The following ANKIB1 variants were observed in gnomAD, a reference collection of about 807,000 sequenced individuals.
ANKIB1 encodes ankyrin repeat and IBR domain-containing protein 1.
In ANKIB1, 43 loss-of-function variants were observed where a neutral mutation model predicts 122.1. The observed-to-expected ratio is 0.35, with a 90% CI of 0.28 to 0.45. The LOEUF (loss-of-function observed/expected upper bound fraction) is 0.45. ANKIB1 is among the 20% of genes least tolerant of loss of function. The pLI, the probability that ANKIB1 is intolerant of heterozygous loss-of-function variation, is 1.00. For missense variants in ANKIB1, 992 were observed against 1,329.5 expected, an observed-to-expected ratio of 0.75 and a Z score of 3.95; for synonymous variants, 390 against 442.0, an observed-to-expected ratio of 0.88 and a Z score of 1.48.
intron 1 of ANKIB1, among the ~76,000 whole-genome samples, chr7:92,289,032 T>G (rs536166744): frequency 6.6e-6 from 1 of 152,302 alleles, no homozygotes; most frequent in East Asian, 1.9e-4. Flanking sequence ...CAAGAGAAAT[T>G]AAAACTTAAG....
At chr7:92,388,970 T>A (rs376570272) in intron 14 of ANKIB1, among the ~76,000 whole-genome samples, 1 of 152,214 alleles carries the variant, frequency 6.6e-6, no homozygotes, top group East Asian at 1.9e-4. Context: ...AGGAAAAAAG[T>A]CCTCACAAGT....
chr7:92,308,105 C>T (rs1802606365), intron 3 of ANKIB1, among the ~76,000 whole-genome samples: 3 of 151,916 alleles, frequency 2.0e-5, no homozygotes, highest in South Asian at 2.1e-4. Flanking sequence ...CTCTTGACCT[C>T]GTGATCCACC....
chr7:92,305,830 T>C (rs1032272345), intron 2 of ANKIB1, among the ~76,000 whole-genome samples: 5 of 152,302 alleles, frequency 3.3e-5, no homozygotes, highest in African/African-American at 1.2e-4. Context: ...AATTAAATTA[T>C]GGCTGAATAG....
chr7:92,361,043 T>C (rs1803932841), intron 9 of ANKIB1, among the ~76,000 whole-genome samples: 1 of 152,158 alleles, frequency 6.6e-6, no homozygotes, highest in Admixed American at 6.5e-5. Context: ...GCCTAACCTT[T>C]GTAAATAAAA....
At chr7:92,304,942 T>C (rs1802528607) in intron 2 of ANKIB1, among the ~76,000 whole-genome samples, 1 of 152,194 alleles carries the variant, frequency 6.6e-6, no homozygotes, top group Non-Finnish European at 1.5e-5. Context: ...TCCATGTATA[T>C]TCAGAAGATT....
At chr7:92,353,623 TCCCTA>T (rs1803711820) in intron 9 of ANKIB1, among the ~76,000 whole-genome samples, 3 of 152,244 alleles carry the variant, frequency 2.0e-5, no homozygotes, top group African/African-American at 7.2e-5. Flanking sequence ...TATGGAACTA[TCCCTA>T]CCCTGGTCTA....
At chr7:92,306,894 A>G (rs1016166281) in intron 2 of ANKIB1, among the ~76,000 whole-genome samples, 50 of 152,192 alleles carry the variant, frequency 3.3e-4, no homozygotes, top group African/African-American at 9.7e-4. Flanking sequence ...GTTGCCACTA[A>G]TATAGTAGTT....
At chr7:92,352,788 G>T in intron 9 of ANKIB1, 146 bp downstream of exon 9, 2 of 866,542 alleles carry the variant, frequency 2.3e-6, no homozygotes, top group South Asian at 2.0e-5. Context: ...AGTAGTAATA[G>T]TTCATATTTG....
intron 11 of ANKIB1, among the ~76,000 whole-genome samples, chr7:92,383,954 T>G (rs1205332494): frequency 6.6e-6 from 1 of 152,212 alleles, no homozygotes; most frequent in African/African-American, 2.4e-5. Flanking sequence ...AGATTGTCCC[T>G]GTTTGCAGAT....
chr7:92,387,997 C>T lies in ANKIB1; in HGVS notation c.1862C>T (p.Thr621Ile). Reference protein sequence around the residue: ...SYQLEQRLLKTAKEKMEQLSR... With the variant: ...SYQLEQRLLKIAKEKMEQLSR... ...TAGCTAGAACAACGCCTTCTTAAAA[C>T]AGCCAAAGAAAAGATGGAGCAATTG... The change falls in exon 14 of 20, where the codon ACA (threonine) becomes ATA (isoleucine). Residue 621 changes from threonine (T) to isoleucine (I), a missense_variant. This residue lies in a region of ANKIB1 where 521 missense variants were observed against 777.7 expected (regional missense o/e 0.67). Coordinates refer to ENST00000265742, the MANE Select transcript of ANKIB1 (RefSeq NM_019004.2). 1 of 1,582,526 alleles carries T rather than the reference C, an allele frequency of 6.3e-7. No individual in the cohort carries two copies. Among genetic ancestry groups the T allele is most frequent in the Non-Finnish European group, 8.6e-7 (1 of 1,163,122 alleles).
chr7:92,278,792 A>G (rs980280689), intron 1 of ANKIB1, among the ~76,000 whole-genome samples: 1 of 152,178 alleles, frequency 6.6e-6, no homozygotes, highest in African/African-American at 2.4e-5. Context: ...CCTAGGAAAA[A>G]ATCCCATTTT....
At chr7:92,321,755 C>T (rs1802917895) in intron 4 of ANKIB1, among the ~76,000 whole-genome samples, 1 of 152,192 alleles carries the variant, frequency 6.6e-6, no homozygotes. Context: ...GCTTTATACT[C>T]TCCATATGGC....
At chr7:92,351,185 T>C (rs184768661) in intron 8 of ANKIB1, 91 bp downstream of exon 8, 2 of 1,147,160 alleles carry the variant, frequency 1.7e-6, no homozygotes, top group African/African-American at 3.2e-5. Flanking sequence ...GTTTTATTTT[T>C]GAAAACAAAA....
chr7:92,354,761 A>G (rs7796938), intron 9 of ANKIB1, among the ~76,000 whole-genome samples: 5,205 of 152,252 alleles, frequency 0.034, 262 homozygotes, highest in African/African-American at 0.11. Context: ...ATCTAAGTGG[A>G]AATTGTCATA....
At chr7:92,326,206 C>T (rs956757272) in intron 4 of ANKIB1, among the ~76,000 whole-genome samples, 1 of 152,142 alleles carries the variant, frequency 6.6e-6, no homozygotes, top group African/African-American at 2.4e-5. Context: ...TTTAAAACTG[C>T]GTGCATTTTA....
rs979408355 is a variant in ANKIB1 at position 92,387,353 on chromosome 7, T to G, written c.1753-445T>G. On this transcript the variant is annotated intron_variant, in intron 12 of 19. Coordinates refer to ENST00000265742, the MANE Select transcript of ANKIB1 (RefSeq NM_019004.2). ...CCATGTAATAAAACATTGAAGGCCTTGGCCTTCAATGTGGCTCATGCTTTT... is the reference window on the plus strand; with the variant it reads ...CCATGTAATAAAACATTGAAGGCCTGGGCCTTCAATGTGGCTCATGCTTTT... 2.0e-5 allele frequency among the ~76,000 whole-genome samples: 3 copies of G among 152,130 alleles called. No individual in the cohort carries two copies. In the South Asian group the frequency reaches 6.2e-4, roughly 32 times the overall value.
intron 1 of ANKIB1, among the ~76,000 whole-genome samples, chr7:92,281,421 A>G (rs1401905421): frequency 1.3e-5 from 2 of 152,220 alleles, no homozygotes; most frequent in Non-Finnish European, 2.9e-5. Flanking sequence ...GACACCAGCC[A>G]TGGATCAACC....
rs1803509980 is a variant in ANKIB1 at position 92,344,969 on chromosome 7, C to T, written c.997-9C>T. ...TTCTGTTTAAATCATTGTTCTTCTT[C>T]ATCTCCAGTGTGACATTTGTATGTG... On this transcript the variant is annotated splice_polypyrimidine_tract_variant and intron_variant, in intron 6 of 19. Coordinates refer to ENST00000265742, the MANE Select transcript of ANKIB1 (RefSeq NM_019004.2). The T allele has an allele frequency of 5.0e-6, 8 of 1,593,092 alleles. No homozygotes were observed. The highest frequency in any genetic ancestry group is 6.9e-6 in the Non-Finnish European group (8 of 1,163,406).
At chr7:92,249,203 T>C (rs571135965) in intron 1 of ANKIB1, among the ~76,000 whole-genome samples, 3 of 152,302 alleles carry the variant, frequency 2.0e-5, no homozygotes, top group African/African-American at 7.2e-5. Flanking sequence ...GATACTTTCA[T>C]GTCCACTTCA....
Sources: gnomAD v4.1 joint callset for allele counts (sites outside exome capture counted in the v4.1 genomes callset) on GRCh38, gnomAD v4.1.1 for gene constraint, gnomAD v4.1.1 regional missense constraint, MANE v1.5 for transcripts, NCBI Gene and HGNC (gene_info 2026-07-23, HGNC 2026-07-21) for gene names.